Variants in TBL1XR1 observed in about 807,000 individuals in gnomAD.
The protein encoded by TBL1XR1 is F-box-like/WD repeat-containing protein TBL1XR1.
In TBL1XR1, 5 loss-of-function variants were observed where a neutral mutation model predicts 66.9. The observed-to-expected ratio is 0.07, with a 90% confidence interval of 0.04 to 0.16. The LOEUF is 0.16. Ranked by LOEUF, TBL1XR1 falls within the 10% of genes least tolerant of loss-of-function variation. TBL1XR1 has a pLI of 1.00. For synonymous variants in TBL1XR1, 210 were observed against 206.0 expected (o/e 1.02, Z -0.17); for missense variants, 238 against 623.2 (o/e 0.38, Z 6.58).
chr3:177,031,652 A>C (rs1369356767), intron 14 of TBL1XR1, among the ~76,000 whole-genome samples: 1 of 145,442 alleles, frequency 6.9e-6, no homozygotes, highest in Non-Finnish European at 1.5e-5. Flanking sequence ...TAGAAGGCTC[A>C]TGGTGGCTCA....
chr3:177,059,134 C>T (rs894081059), intron 3 of TBL1XR1, among the ~76,000 whole-genome samples: 12 of 152,198 alleles, frequency 7.9e-5, no homozygotes, highest in African/African-American at 2.2e-4. Context: ...ATACCAGACG[C>T]TGAGCTCTCT....
At chr3:177,126,502 G>A (rs1273447135) in intron 1 of TBL1XR1, among the ~76,000 whole-genome samples, 2 of 152,158 alleles carry the variant, frequency 1.3e-5, no homozygotes, top group Non-Finnish European at 2.9e-5. Flanking sequence ...CTACTAATAT[G>A]TCCATAAGAT....
Position 177,057,997 on chromosome 3 carries a change from T to C in TBL1XR1, c.59-4079A>G, listed in dbSNP as rs1017478007. 2.6e-5 allele frequency among the ~76,000 whole-genome samples: 4 copies of C among 152,124 alleles called. No individual in the cohort carries two copies. The East Asian group carries it at 7.7e-4, about 29-fold the overall frequency. On this transcript the variant is annotated intron_variant, in intron 3 of 15. Coordinates refer to ENST00000457928, the MANE Select transcript of TBL1XR1 (RefSeq NM_024665.7). Reference sequence around the variant, plus strand: ...TCAGGAAGTGCTTTCTGTAAGGATGTTAGGGACTGTGTTCTCAAAGGGGAG... The same window carrying C: ...TCAGGAAGTGCTTTCTGTAAGGATGCTAGGGACTGTGTTCTCAAAGGGGAG...
chr3:177,095,881 C>G (rs1008169633), intron 2 of TBL1XR1, among the ~76,000 whole-genome samples: 2 of 152,074 alleles, frequency 1.3e-5, no homozygotes, highest in African/African-American at 4.8e-5. Context: ...TTAACAAGAA[C>G]AATGTTCAGT....
At chr3:177,142,134 G>A (rs1029470134) in intron 1 of TBL1XR1, among the ~76,000 whole-genome samples, 2 of 152,158 alleles carry the variant, frequency 1.3e-5, no homozygotes, top group South Asian at 2.1e-4. Flanking sequence ...GTGCAGGGTA[G>A]ACAAGAGACA....
At chr3:177,168,306 A>G (rs1733070377) in intron 1 of TBL1XR1, among the ~76,000 whole-genome samples, 1 of 150,498 alleles carries the variant, frequency 6.6e-6, no homozygotes, top group South Asian at 2.1e-4. Context: ...TTTGAGACGA[A>G]GTTTCACTCT....
intron 14 of TBL1XR1, among the ~76,000 whole-genome samples, chr3:177,029,395 G>A (rs888453680): frequency 6.6e-6 from 1 of 152,184 alleles, no homozygotes; most frequent in Non-Finnish European, 1.5e-5. Flanking sequence ...TGAGGCAAGT[G>A]GATCCCTTGA....
chr3:177,074,602 G>A (rs895978044), intron 2 of TBL1XR1, among the ~76,000 whole-genome samples: 11 of 152,004 alleles, frequency 7.2e-5, no homozygotes, highest in South Asian at 2.1e-4. Context: ...TCTGATCCCC[G>A]GCATTCTAAC....
chr3:177,112,982 C>T (rs1242054368), intron 1 of TBL1XR1, among the ~76,000 whole-genome samples: 3 of 150,358 alleles, frequency 2.0e-5, no homozygotes, highest in Non-Finnish European at 4.4e-5. Context: ...CACTGCACTC[C>T]GATGAAGCAA....
chr3:177,174,022 A>G (rs1463710075), intron 1 of TBL1XR1, among the ~76,000 whole-genome samples: 1 of 152,190 alleles, frequency 6.6e-6, no homozygotes, highest in Admixed American at 6.5e-5. Context: ...TTCAAAAATT[A>G]CACCCACTAG....
chr3:177,192,884 G>A (rs1265354775), intron 1 of TBL1XR1, among the ~76,000 whole-genome samples: 4 of 152,142 alleles, frequency 2.6e-5, no homozygotes, highest in African/African-American at 7.2e-5. Context: ...GGCGCAATGT[G>A]GCTCATGCCT....
intron 1 of TBL1XR1, among the ~76,000 whole-genome samples, chr3:177,154,249 A>G (rs1263205070): frequency 6.6e-6 from 1 of 152,190 alleles, no homozygotes; most frequent in East Asian, 1.9e-4. Context: ...CTGATTATTA[A>G]TACATTAATA....
intron 1 of TBL1XR1, among the ~76,000 whole-genome samples, chr3:177,130,033 T>C (rs1349994917): frequency 1.3e-5 from 2 of 150,334 alleles, no homozygotes; most frequent in Non-Finnish European, 2.9e-5. Context: ...TAGTCCAAGC[T>C]ACTCAGGAGA....
At chr3:177,183,874 A>G in intron 1 of TBL1XR1, among the ~76,000 whole-genome samples, 1 of 151,974 alleles carries the variant, frequency 6.6e-6, no homozygotes, top group South Asian at 2.1e-4. Context: ...GGCCAAGGCA[A>G]GGTGGATCAC....
intron 1 of TBL1XR1, among the ~76,000 whole-genome samples, chr3:177,189,087 A>G (rs1163599778): frequency 2.6e-5 from 4 of 151,998 alleles, no homozygotes; most frequent in Non-Finnish European, 5.9e-5. Context: ...ACGTTCCTGT[A>G]GTCCCAGCTA....
At chr3:177,154,594 G>A (rs986607568) in intron 1 of TBL1XR1, among the ~76,000 whole-genome samples, 2 of 151,816 alleles carry the variant, frequency 1.3e-5, no homozygotes, top group Non-Finnish European at 2.9e-5. Flanking sequence ...ACGGGGTTTC[G>A]CCATGTTGGC....
In TBL1XR1 at chr3:177,043,793, A is replaced by G. The variant is rs542553639; in HGVS notation, c.925+2336T>C. 3.3e-5 allele frequency among the ~76,000 whole-genome samples: 5 copies of G among 151,948 alleles called. No individual in the cohort carries two copies. The South Asian group carries it at 1.0e-3, about 32-fold the overall frequency. On this transcript the variant is annotated intron_variant, in intron 10 of 15. Coordinates refer to ENST00000457928, the MANE Select transcript of TBL1XR1 (RefSeq NM_024665.7). ...TTCTACCTTCATTTGGATTAATTGG[A>G]TATTTTTTATGATTACATTTTCTTC...
intron 1 of TBL1XR1, among the ~76,000 whole-genome samples, chr3:177,170,240 T>A (rs555819835): frequency 6.6e-6 from 1 of 152,250 alleles, no homozygotes; most frequent in Non-Finnish European, 1.5e-5. Context: ...TCCACAAGCC[T>A]CTCATGACCT....
chr3:177,127,148 A>T (rs1369985635), intron 1 of TBL1XR1, among the ~76,000 whole-genome samples: 1 of 152,166 alleles, frequency 6.6e-6, no homozygotes, highest in Non-Finnish European at 1.5e-5. Context: ...TACATTAAAA[A>T]ACCCTTTGTG....
Sources: allele counts gnomAD v4.1 joint callset (sites outside exome capture counted in the v4.1 genomes callset), GRCh38; gene constraint gnomAD v4.1.1; transcripts MANE v1.5; gene names NCBI Gene and HGNC (gene_info 2026-07-23, HGNC 2026-07-21).